RPGRIP1L: variants seen among roughly 807,000 people sequenced by gnomAD.
RPGRIP1L encodes protein fantom.
RPGRIP1L carries 131 observed loss-of-function variants against 160.4 expected under a neutral mutation model. The ratio of observed to expected loss-of-function variants is 0.82; its 90% CI spans 0.71 to 0.94. RPGRIP1L has a LOEUF of 0.94. RPGRIP1L is among the 40% of genes least tolerant of loss of function. RPGRIP1L has a pLI of 0.00. For missense variants in RPGRIP1L, 1,522 were observed against 1,535.8 expected (o/e 0.99, Z 0.15); for synonymous variants, 510 against 515.8 (o/e 0.99, Z 0.15).
At chr16:53,612,780 T>C (rs8059593) in intron 24 of RPGRIP1L, among the ~76,000 whole-genome samples, 59,725 of 151,998 alleles carry the variant, frequency 0.39, 13,694 homozygotes, top group African/African-American at 0.63. Flanking sequence ...TAACAATTAA[T>C]ATTTAAGTAT....
At chr16:53,678,695 A>G (rs1322757268) in intron 6 of RPGRIP1L, among the ~76,000 whole-genome samples, 1 of 152,188 alleles carries the variant, frequency 6.6e-6, no homozygotes, top group Non-Finnish European at 1.5e-5. Flanking sequence ...AAGCTAGGCT[A>G]TGAGATTCGG....
At chr16:53,620,297 C>A (rs897320740) in intron 23 of RPGRIP1L, among the ~76,000 whole-genome samples, 2 of 152,152 alleles carry the variant, frequency 1.3e-5, no homozygotes, top group Non-Finnish European at 2.9e-5. Context: ...ATTTCCATTG[C>A]TGTCAAACCC....
Position 53,598,449 on chromosome 16 carries a change from A to G in RPGRIP1L, c.*3627T>C, listed in dbSNP as rs1451904359. 6.6e-6 allele frequency: 1 copy of G among 152,194 alleles called. No homozygotes were observed. The highest frequency in any genetic ancestry group is 6.5e-5 in the Admixed American group (1 of 15,278). 9.4% of individuals were successfully genotyped at this position (152,194 alleles called of 1,614,324 possible). On this transcript the variant is annotated 3_prime_UTR_variant, in exon 27 of 27. Coordinates refer to ENST00000647211, the MANE Select transcript of RPGRIP1L (RefSeq NM_015272.5). ...TAAGAATACCAGTAATATGGGTCCA[A>G]TTTTCCAGGCGGTCAGGCTGGAGGG...
At chr16:53,603,352 A>C (rs1276556561) in intron 26 of RPGRIP1L, among the ~76,000 whole-genome samples, 1 of 152,160 alleles carries the variant, frequency 6.6e-6, no homozygotes, top group Non-Finnish European at 1.5e-5. Context: ...TCTTTTAGAC[A>C]GTATCTGGCT....
Position 53,692,050 on chromosome 16 carries a change from G to C in RPGRIP1L, c.529+16C>G, listed in dbSNP as rs765320880. On this transcript the variant is annotated intron_variant, in intron 4 of 26. Coordinates refer to ENST00000647211, the MANE Select transcript of RPGRIP1L (RefSeq NM_015272.5). ...AATAAGACTTCAGTTTAGATTTAACGTAAGCTTTGTTTTACCTTTCCTGGG... is the reference window on the plus strand; with the variant it reads ...AATAAGACTTCAGTTTAGATTTAACCTAAGCTTTGTTTTACCTTTCCTGGG... The C allele has an allele frequency of 1.2e-6, 2 of 1,611,938 alleles. No individual in the cohort carries two copies. The highest frequency in any genetic ancestry group is 1.7e-4 in the Middle Eastern group (1 of 6,042).
chr16:53,656,890 A>C lies in RPGRIP1L; in HGVS notation c.1582-301T>G, dbSNP rs533681291. 2.6e-5 allele frequency among the ~76,000 whole-genome samples: 4 copies of C among 152,344 alleles called. No homozygotes were observed. In the South Asian group the frequency reaches 8.3e-4, roughly 32 times the overall value. On this transcript the variant is annotated intron_variant, in intron 13 of 26. Coordinates refer to ENST00000647211, the MANE Select transcript of RPGRIP1L (RefSeq NM_015272.5). ...TATAACTCACTCGCAGAATGTGCTA[A>C]AGCTAACAAAGGTGATTTCATTGCC...
At chr16:53,653,783 G>A (rs1967007270) in intron 14 of RPGRIP1L, among the ~76,000 whole-genome samples, 1 of 152,084 alleles carries the variant, frequency 6.6e-6, no homozygotes, top group Non-Finnish European at 1.5e-5. Flanking sequence ...ATTCTCATGA[G>A]TGATCTCATC....
At chr16:53,666,042 T>C (rs1968221054) in intron 9 of RPGRIP1L, among the ~76,000 whole-genome samples, 1 of 152,170 alleles carries the variant, frequency 6.6e-6, no homozygotes, top group South Asian at 2.1e-4. Flanking sequence ...TTAAGCCCAG[T>C]AAATACAACA....
chr16:53,623,247 G>A (rs567839735), intron 22 of RPGRIP1L, among the ~76,000 whole-genome samples: 2 of 152,260 alleles, frequency 1.3e-5, no homozygotes, highest in African/African-American at 4.8e-5. Flanking sequence ...AGGAACTGAC[G>A]TAAGAGATTT....
At position 53,658,792 on chromosome 16, in the gene RPGRIP1L, GT is replaced by G. The variant is rs749987648; in HGVS notation, c.1329del (p.Lys443AsnfsTer3). ...EQKQQLDELK[K>X]RIKLYNQEND... Reference sequence around the variant, plus strand: ...TTCACCTGGTTGTACAATTTTATGCGTTTTTTAAGTTCATCAAGTTGTTGCT... The same window carrying G: ...TTCACCTGGTTGTACAATTTTATGCGTTTTTAAGTTCATCAAGTTGTTGCT... On this transcript the variant is annotated frameshift_variant, in exon 11 of 27. Transcript: ENST00000647211. LOFTEE classifies it high-confidence loss of function. 1.2e-6 allele frequency: 2 copies of G among 1,601,890 alleles called. No homozygotes were observed. Among genetic ancestry groups the G allele is most frequent in the East Asian group, 2.2e-5 (1 of 44,688 alleles).
intron 10 of RPGRIP1L, chr16:53,659,907 C>A (rs935426868): frequency 6.6e-6 from 1 of 151,818 alleles, no homozygotes; most frequent in African/African-American, 2.4e-5. Flanking sequence ...CATATGTGTT[C>A]TTTATTCACT....
At chr16:53,616,831 G>C (rs1176060118) in intron 24 of RPGRIP1L, among the ~76,000 whole-genome samples, 2 of 151,830 alleles carry the variant, frequency 1.3e-5, no homozygotes, top group Non-Finnish European at 2.9e-5. Flanking sequence ...CAGCACTTTG[G>C]GAGGCTGAGG....
chr16:53,700,622 A>G lies in RPGRIP1L; in HGVS notation c.85+17T>C, dbSNP rs557275761. On this transcript the variant is annotated intron_variant, in intron 2 of 26. Transcript: ENST00000647211. ...TGATCAAAGTTCATAACTGTAATAA[A>G]TAACAGCTGGCCATACCTTGTAACC... 5.0e-6 allele frequency: 8 copies of G among 1,591,898 alleles called. No homozygotes were observed. In the South Asian group the frequency reaches 6.7e-5, roughly 13 times the overall value.
Position 53,641,044 on chromosome 16 carries a change from G to A in RPGRIP1L, c.2947C>T (p.His983Tyr), listed in dbSNP as rs2151056669. Residue 983 changes from histidine (H) to tyrosine (Y), a missense_variant, in exon 19 of 27, where the codon CAT (histidine) becomes TAT (tyrosine). His to Tyr is a moderately conservative substitution (Grantham distance 83, BLOSUM62 2). Coordinates refer to ENST00000647211, the MANE Select transcript of RPGRIP1L (RefSeq NM_015272.5). ...KKVSFVDIMP[H>Y]QSDETSPPPE... ...TGTCTACTACTTACATCACTCTGAT[G>A]TGGCATGATATCCACGAAAGATACC... The A allele has an allele frequency of 1.2e-6, 2 of 1,610,738 alleles. No individual in the cohort carries two copies. The highest frequency in any genetic ancestry group is 8.5e-7 in the Non-Finnish European group (1 of 1,177,048).
intron 6 of RPGRIP1L, among the ~76,000 whole-genome samples, chr16:53,679,593 C>T (rs1369898425): frequency 7.2e-6 from 1 of 138,636 alleles, no homozygotes; most frequent in Admixed American, 7.2e-5. Flanking sequence ...GTCAATATTT[C>T]AGAAAGCCCA....
chr16:53,688,975 C>T (rs1028771877), intron 4 of RPGRIP1L, among the ~76,000 whole-genome samples: 3 of 151,304 alleles, frequency 2.0e-5, no homozygotes, highest in African/African-American at 7.3e-5. Context: ...CTACATATAC[C>T]ATGAAAAAAT....
chr16:53,693,610 G>C (rs887238848), intron 3 of RPGRIP1L: 1 of 152,180 alleles, frequency 6.6e-6, no homozygotes, highest in African/African-American at 2.4e-5. Context: ...AAGGATACAG[G>C]ATAATAAAAA....
chr16:53,637,665 A>G lies in RPGRIP1L; in HGVS notation c.3220+30T>C, dbSNP rs369688690. On this transcript the variant is annotated intron_variant, in intron 21 of 26. Transcript: ENST00000647211. The stretch of plus-strand genomic sequence containing the variant: ...GATAAAACAAAGCACAGGGTTAACT[A>G]AACAATGTTAGTTTAAATAAGAAAG... 78 of 1,595,166 alleles carry G rather than the reference A, an allele frequency of 4.9e-5. No individual in the cohort carries two copies. In the African/African-American group the frequency reaches 9.8e-4, roughly 20 times the overall value.
chr16:53,635,177 T>C (rs938824374), intron 22 of RPGRIP1L, among the ~76,000 whole-genome samples: 1 of 152,208 alleles, frequency 6.6e-6, no homozygotes, highest in Non-Finnish European at 1.5e-5. Flanking sequence ...TAAACTTCTT[T>C]GTTAAATTAA....
Sources: allele counts gnomAD v4.1 joint callset (sites outside exome capture counted in the v4.1 genomes callset), GRCh38; gene constraint gnomAD v4.1.1; transcripts MANE v1.5; gene names NCBI Gene and HGNC (gene_info 2026-07-23, HGNC 2026-07-21).